HHIPL1: variants seen among roughly 807,000 people sequenced by gnomAD.
HHIPL1 encodes the protein HHIP like 1.
In HHIPL1, 43 loss-of-function variants were observed where a neutral mutation model predicts 61.8. The ratio of observed to expected loss-of-function variants is 0.70; its 90% confidence interval spans 0.55 to 0.90. The LOEUF (loss-of-function observed/expected upper bound fraction) is 0.90. Among genes scored for constraint, HHIPL1 ranks in the 40% least tolerant of loss-of-function variants. The probability of loss-of-function intolerance (pLI) is 0.00; values close to 1 mark genes in which losing one functional copy is unlikely to be tolerated. For synonymous variants in HHIPL1, 482 were observed against 515.8 expected, an observed-to-expected ratio of 0.93 and a Z score of 0.89; for missense variants, 1,056 against 1,157.7, an observed-to-expected ratio of 0.91 and a Z score of 1.28.
intron 3 of HHIPL1, among the ~76,000 whole-genome samples, chr14:99,657,767 G>T (rs1291885581): frequency 6.7e-6 from 1 of 149,942 alleles, no homozygotes; most frequent in African/African-American, 2.5e-5. Context: ...ATACACACAT[G>T]CATATGCTAC....
In HHIPL1 at chr14:99,676,206, G is replaced by T; in HGVS notation, c.*580G>T. The T allele has an allele frequency of 6.5e-6, 1 of 153,482 alleles. No homozygotes were observed. Among genetic ancestry groups the T allele is most frequent in the South Asian group, 2.0e-4 (1 of 4,930 alleles). The allele number at this position is 153,482 out of a possible 1,614,324, so 9.5% of individuals were successfully genotyped here. A position where few individuals can be genotyped will look rare whatever the true frequency, so the allele number is the denominator to read the frequency against. ...AGGGAAAGCCTTCTGGAAGGTGGGA[G>T]CAGGGTGAGCTGCAGGCCTGGGGCC... On this transcript the variant is annotated 3_prime_UTR_variant, in exon 9 of 9. Coordinates refer to ENST00000330710, the MANE Select transcript of HHIPL1 (RefSeq NM_001127258.3).
chr14:99,670,448 C>T (rs1190645820), intron 7 of HHIPL1, among the ~76,000 whole-genome samples: 1 of 152,204 alleles, frequency 6.6e-6, no homozygotes, highest in Non-Finnish European at 1.5e-5. Context: ...CTAGTTGTTC[C>T]CCAATGCCCT....
At chr14:99,626,782 C>A in the HHIPL1 span, among the ~76,000 whole-genome samples, 1 of 152,238 alleles carries the variant, frequency 6.6e-6, no homozygotes, top group Non-Finnish European at 1.5e-5. Flanking sequence ...CTAGCAGTGC[C>A]CAGCTCAGGT....
chr14:99,641,703 C>T (rs1210499143), upstream of HHIPL1, among the ~76,000 whole-genome samples: 2 of 151,468 alleles, frequency 1.3e-5, no homozygotes, highest in Admixed American at 6.6e-5. Context: ...CGTGAGCCAC[C>T]GTGCCCGGCC....
chr14:99,642,346 T>A (rs2055762670), upstream of HHIPL1, among the ~76,000 whole-genome samples: 1 of 152,204 alleles, frequency 6.6e-6, no homozygotes, highest in Non-Finnish European at 1.5e-5. Context: ...TGTTCCACAG[T>A]CCTTGGATGC....
At chr14:99,664,001 G>A (rs2056199236) in intron 6 of HHIPL1, among the ~76,000 whole-genome samples, 1 of 152,222 alleles carries the variant, frequency 6.6e-6, no homozygotes, top group Admixed American at 6.5e-5. Flanking sequence ...GGTGGACACA[G>A]CCTTCTTGCC....
chr14:99,646,741 C>T (rs1242476704), intron 1 of HHIPL1, among the ~76,000 whole-genome samples: 2 of 150,364 alleles, frequency 1.3e-5, no homozygotes, highest in Admixed American at 1.3e-4. Context: ...GCCACTGCAC[C>T]CCAGCCTGGG....
the HHIPL1 span, among the ~76,000 whole-genome samples, chr14:99,609,814 A>G: frequency 6.6e-6 from 1 of 152,208 alleles, no homozygotes; most frequent in East Asian, 1.9e-4. Flanking sequence ...GGTGCAGCTG[A>G]AGCCCAAAGG....
In HHIPL1 at chr14:99,668,353, T is replaced by A; in HGVS notation, c.1730+50T>A. The A allele has an allele frequency of 8.9e-7, 1 of 1,119,644 alleles. No homozygotes were observed. The highest frequency in any genetic ancestry group is 1.4e-6 in the Non-Finnish European group (1 of 729,850). 69.4% of individuals were successfully genotyped at this position (1,119,644 alleles called of 1,614,324 possible). ...GAGCTCCTGCTGTCTGTCAGGCCTC[T>A]TAGCTCCACGGGCTTGTCCCCTCCG... On this transcript the variant is annotated intron_variant, in intron 7 of 8. Transcript: ENST00000330710. This position sits in a 1 kb window ranked among gnomAD's most constrained non-coding sequence, Gnocchi z 4.7.
chr14:99,622,195 T>A, the HHIPL1 span, among the ~76,000 whole-genome samples: 1 of 152,234 alleles, frequency 6.6e-6, no homozygotes, highest in Non-Finnish European at 1.5e-5. Context: ...GGAAATGTGA[T>A]GTTCTCATGG....
intron 1 of HHIPL1, among the ~76,000 whole-genome samples, chr14:99,648,318 G>A (rs989310921): frequency 5.3e-5 from 8 of 152,166 alleles, no homozygotes; most frequent in African/African-American, 1.9e-4. Context: ...AACTCTATGA[G>A]GTTGGAATTC....
chr14:99,656,992 T>C lies in HHIPL1; in HGVS notation c.903-8T>C. 1 of 1,588,334 alleles carries C rather than the reference T, an allele frequency of 6.3e-7. No homozygotes were observed. On this transcript the variant is annotated splice_polypyrimidine_tract_variant and splice_region_variant and intron_variant, in intron 2 of 8. Coordinates refer to ENST00000330710, the MANE Select transcript of HHIPL1 (RefSeq NM_001127258.3). ...GGCTGAGTTTTAGGGGCCCTTATCTTCCTTTAGGATAATCCTGGAGGTCAA... is the reference window on the plus strand; with the variant it reads ...GGCTGAGTTTTAGGGGCCCTTATCTCCCTTTAGGATAATCCTGGAGGTCAA...
the HHIPL1 span, among the ~76,000 whole-genome samples, chr14:99,605,387 CGG>C: frequency 1.2e-4 from 14 of 115,842 alleles, no homozygotes; most frequent in African/African-American, 4.6e-4. Context: ...CGGGGCGGGG[CGG>C]GGGGGGGTCC....
chr14:99,660,534 C>G lies in HHIPL1; in HGVS notation c.1502+128C>G. The G allele has an allele frequency of 8.1e-7, 1 of 1,227,542 alleles. No individual in the cohort carries two copies. The allele number at this position is 1,227,542 out of a possible 1,614,324, so 76.0% of individuals were successfully genotyped here. ...GTGCCTCGCTGCTCTGACAGGGGCC[C>G]CTAGGTGTGGGCCGGACACCCGCAT... On this transcript the variant is annotated intron_variant, in intron 5 of 8. Transcript: ENST00000330710. This position sits in a 1 kb window ranked among gnomAD's most constrained non-coding sequence, Gnocchi z 4.9.
upstream of HHIPL1, among the ~76,000 whole-genome samples, chr14:99,641,257 T>C (rs942368035): frequency 8.5e-5 from 13 of 152,160 alleles, no homozygotes; most frequent in African/African-American, 2.9e-4. Flanking sequence ...CTCCCATTTT[T>C]GTTTTTCTGG....
At chr14:99,620,042 CA>C in the HHIPL1 span, among the ~76,000 whole-genome samples, 1 of 152,224 alleles carries the variant, frequency 6.6e-6, no homozygotes, top group Non-Finnish European at 1.5e-5. Flanking sequence ...AGGAAAATGA[CA>C]GACCTTTTCC....
upstream of HHIPL1, among the ~76,000 whole-genome samples, chr14:99,642,659 G>A (rs1292247667): frequency 6.6e-6 from 1 of 151,934 alleles, no homozygotes; most frequent in Non-Finnish European, 1.5e-5. Flanking sequence ...CCAAGTAGCT[G>A]GGACTATAGG....
chr14:99,668,505 C>T lies in HHIPL1; in HGVS notation c.1730+202C>T, dbSNP rs980423473. ...CCCAGGATTCAGACCCGGGTCTGCA[C>T]GCCTCAAAGCACAGGTCTATTAGGA... is the stretch of plus-strand genomic sequence containing the variant. On this transcript the variant is annotated intron_variant, in intron 7 of 8. Coordinates refer to ENST00000330710, the MANE Select transcript of HHIPL1 (RefSeq NM_001127258.3). The surrounding 1 kb of genome is among the most constrained non-coding windows in gnomAD (Gnocchi z 4.7). 3.9e-5 allele frequency among the ~76,000 whole-genome samples: 6 copies of T among 152,126 alleles called. No individual in the cohort carries two copies. The highest frequency in any genetic ancestry group is 2.0e-4 in the Admixed American group (3 of 15,282).
intron 2 of HHIPL1, among the ~76,000 whole-genome samples, chr14:99,655,128 T>C (rs2140064860): frequency 6.6e-6 from 1 of 152,260 alleles, no homozygotes; most frequent in East Asian, 1.9e-4. Context: ...AGAGCTGAGA[T>C]CCCAATGCCG....
Sources: gnomAD v4.1 joint callset for allele counts (sites outside exome capture counted in the v4.1 genomes callset) on GRCh38, gnomAD v4.1.1 for gene constraint, Gnocchi (gnomAD v3.1) non-coding constraint, MANE v1.5 for transcripts, NCBI Gene and HGNC (gene_info 2026-07-23, HGNC 2026-07-21) for gene names.